The following ZFP14 variants were observed in gnomAD, a reference collection of about 807,000 sequenced individuals.
The protein encoded by ZFP14 is zinc finger protein 14 homolog.
ZFP14 carries 22 observed loss-of-function variants against 54.5 expected under a neutral mutation model. That is an observed-to-expected ratio of 0.40 (90% CI 0.29 to 0.58). The LOEUF is 0.58. Among genes scored for constraint, ZFP14 ranks in the 20% least tolerant of loss-of-function variants. The probability of loss-of-function intolerance (pLI) is 0.39; values close to 1 mark genes in which losing one functional copy is unlikely to be tolerated. For synonymous variants in ZFP14, 159 were observed against 204.0 expected (o/e 0.78, Z 1.88); for missense variants, 470 against 637.8 (o/e 0.74, Z 2.83).
rs1426790074 is a variant in ZFP14, at chr19:36,341,279, G to A, written c.547C>T (p.Arg183Cys). 3.1e-6 allele frequency: 5 copies of A among 1,614,134 alleles called. No individual in the cohort carries two copies. Among genetic ancestry groups the A allele is most frequent in the East Asian group, 2.2e-5 (1 of 44,878 alleles). Residue 183 changes from arginine (R) to cysteine (C), a missense_variant, in exon 5 of 5, where the codon CGT becomes TGT. Transcript: ENST00000270001. The surrounding 1 kb of genome is among the most constrained non-coding windows in gnomAD (Gnocchi z 4.2). The part of the protein sequence containing the change: ...ECKECRKTFI[R>C]RSTLSQHLRI... ...AGGTGTTGACTAAGTGTTGAGCGAC[G>A]AATAAAGGTCTTCCTACACTCCTTA... is the stretch of plus-strand genomic sequence containing the variant.
At chr19:36,377,351 A>G (rs190178350) in intron 1 of ZFP14, among the ~76,000 whole-genome samples, 1 of 152,182 alleles carries the variant, frequency 6.6e-6, no homozygotes, top group Non-Finnish European at 1.5e-5. Flanking sequence ...GGAGTTCAAG[A>G]TCAGCCTGTG....
chr19:36,369,324 T>A (rs1327108513), intron 1 of ZFP14, among the ~76,000 whole-genome samples: 1 of 152,166 alleles, frequency 6.6e-6, no homozygotes, highest in Non-Finnish European at 1.5e-5. Flanking sequence ...TGCCCAGGGG[T>A]CAAATCAGTT....
intron 3 of ZFP14, among the ~76,000 whole-genome samples, chr19:36,361,746 C>T (rs905393133): frequency 1.2e-4 from 18 of 152,224 alleles, no homozygotes; most frequent in Admixed American, 9.8e-4. Flanking sequence ...CTATGTTCTA[C>T]AGATTCCTTT....
At chr19:36,358,810 G>A (rs2031663240) in intron 4 of ZFP14, among the ~76,000 whole-genome samples, 1 of 152,158 alleles carries the variant, frequency 6.6e-6, no homozygotes, top group Non-Finnish European at 1.5e-5. Flanking sequence ...ATATTGAGAG[G>A]TGGGGTTTTT....
chr19:36,370,347 C>A (rs2145562541), intron 1 of ZFP14, among the ~76,000 whole-genome samples: 1 of 152,316 alleles, frequency 6.6e-6, no homozygotes, highest in Admixed American at 6.5e-5. Flanking sequence ...TAAAACCCAG[C>A]AACAGGGAGA....
chr19:36,338,760 A>G lies in ZFP14; in HGVS notation c.*1464T>C, dbSNP rs1010072501. 1 of 152,312 alleles carries G rather than the reference A, an allele frequency of 6.6e-6. No individual in the cohort carries two copies. The highest frequency in any genetic ancestry group is 1.5e-5 in the Non-Finnish European group (1 of 68,036). 9.4% of individuals were successfully genotyped at this position (152,312 alleles called of 1,614,324 possible). A position where few individuals can be genotyped will look rare whatever the true frequency, so the allele number is the denominator to read the frequency against. On this transcript the variant is annotated 3_prime_UTR_variant, in exon 5 of 5. Transcript: ENST00000270001. Reference sequence around the variant, plus strand: ...AAAAACTCAACTTGAAACAACTCCTACTGGTTGAAGATATGGCATTTTGAG... The same window carrying G: ...AAAAACTCAACTTGAAACAACTCCTGCTGGTTGAAGATATGGCATTTTGAG...
intron 4 of ZFP14, among the ~76,000 whole-genome samples, chr19:36,342,184 T>C (rs1189519838): frequency 2.1e-5 from 3 of 139,640 alleles, no homozygotes; most frequent in Non-Finnish European, 4.7e-5. Context: ...CCTTTTTTTT[T>C]TTTTTTTTTT....
rs2031225594 is a variant in ZFP14 at position 36,337,469 on chromosome 19, T to A, written c.*2755A>T. 6.6e-6 allele frequency: 1 copy of A among 152,226 alleles called. No individual in the cohort carries two copies. Among genetic ancestry groups the A allele is most frequent in the East Asian group, 1.9e-4 (1 of 5,204 alleles). 9.4% of individuals were successfully genotyped at this position (152,226 alleles called of 1,614,324 possible). Reference sequence around the variant, plus strand: ...TGAAAAATACAGTATAACAACTATTTACATAGTATTTACATTGTGATAGGT... The same window carrying A: ...TGAAAAATACAGTATAACAACTATTAACATAGTATTTACATTGTGATAGGT... On this transcript the variant is annotated 3_prime_UTR_variant, in exon 5 of 5. Coordinates refer to ENST00000270001, the MANE Select transcript of ZFP14 (RefSeq NM_020917.3).
At chr19:36,375,595 G>C (rs2031948461) in intron 1 of ZFP14, among the ~76,000 whole-genome samples, 1 of 137,280 alleles carries the variant, frequency 7.3e-6, no homozygotes, top group African/African-American at 2.8e-5. Context: ...AGACGGAGTC[G>C]TGCCCAGGCT....
intron 1 of ZFP14, among the ~76,000 whole-genome samples, chr19:36,368,606 T>C (rs1357994508): frequency 1.3e-5 from 2 of 152,200 alleles, no homozygotes; most frequent in African/African-American, 4.8e-5. Context: ...AGATTTGTTC[T>C]GAGCAGCTCC....
At chr19:36,365,881 G>T (rs1200785014) in intron 2 of ZFP14, among the ~76,000 whole-genome samples, 2 of 151,688 alleles carry the variant, frequency 1.3e-5, no homozygotes, top group African/African-American at 4.8e-5. Context: ...GATCACCTGA[G>T]CCTGGGAGGT....
chr19:36,355,409 G>T (rs2031596862), intron 4 of ZFP14, among the ~76,000 whole-genome samples: 1 of 142,826 alleles, frequency 7.0e-6, no homozygotes, highest in Non-Finnish European at 1.6e-5. Context: ...CAGGTGCAGT[G>T]GCTCGCGCCT....
intron 4 of ZFP14, among the ~76,000 whole-genome samples, chr19:36,347,754 A>C (rs2031444787): frequency 6.6e-6 from 1 of 152,202 alleles, no homozygotes; most frequent in Non-Finnish European, 1.5e-5. Context: ...ACTCCAAGTT[A>C]TCTTTGAGTA....
chr19:36,348,165 A>C (rs1261863616), intron 4 of ZFP14, among the ~76,000 whole-genome samples: 3 of 152,228 alleles, frequency 2.0e-5, no homozygotes, highest in Non-Finnish European at 4.4e-5. Flanking sequence ...ACAGAACAGA[A>C]AAATAAGTAA....
intron 4 of ZFP14, among the ~76,000 whole-genome samples, chr19:36,343,663 G>A (rs62112621): frequency 0.38 from 57,195 of 151,986 alleles, 10,740 homozygotes; most frequent in Admixed American, 0.42. Flanking sequence ...CTACTCTGAC[G>A]GATTAAGGAG....
At chr19:36,349,921 G>A (rs773403925) in intron 4 of ZFP14, among the ~76,000 whole-genome samples, 2 of 101,572 alleles carry the variant, frequency 2.0e-5, no homozygotes, top group African/African-American at 3.5e-5. Flanking sequence ...GGAGGCCAAG[G>A]CGGGCAGACT....
intron 1 of ZFP14, among the ~76,000 whole-genome samples, chr19:36,372,097 G>GAGGA (rs780406619): frequency 6.7e-5 from 10 of 150,162 alleles, no homozygotes; most frequent in Non-Finnish European, 1.2e-4. Context: ...GGGAGGAAAG[G>GAGGA]AGGAAGGAAG....
At chr19:36,378,928 G>A (rs954629833) in intron 1 of ZFP14, 10 of 152,292 alleles carry the variant, frequency 6.6e-5, no homozygotes, top group African/African-American at 1.9e-4. Context: ...TTCAGACTGC[G>A]TCTTTTTGTT....
rs75480801 is a variant in ZFP14, at chr19:36,341,048, C to T, written c.778G>A (p.Glu260Lys). ...HTGEKPYECK[E>K]CGKAFRVHQQ... is the part of the protein sequence containing the mutation. ...TGTACTCTAAAGGCCTTTCCACATT[C>T]CTTACATTCATAGGGTTTTTCACCC... The change falls in exon 5 of 5, where the codon GAA becomes AAA. Residue 260 changes from glutamate (E) to lysine (K), a missense_variant. By Grantham distance (56) the Glu-to-Lys change is moderately conservative (BLOSUM62 1). Coordinates refer to ENST00000270001, the MANE Select transcript of ZFP14 (RefSeq NM_020917.3). This position sits in a 1 kb window ranked among gnomAD's most constrained non-coding sequence, Gnocchi z 4.2. 1 of 1,614,032 alleles carries T rather than the reference C, an allele frequency of 6.2e-7. No homozygotes were observed.
Sources: allele counts gnomAD v4.1 joint callset (sites outside exome capture counted in the v4.1 genomes callset), GRCh38; gene constraint gnomAD v4.1.1; non-coding constraint Gnocchi (gnomAD v3.1); transcripts MANE v1.5; gene names NCBI Gene and HGNC (gene_info 2026-07-23, HGNC 2026-07-21).